Variants in HCN1 observed in about 807,000 individuals in gnomAD.
HCN1 encodes potassium/sodium hyperpolarization-activated cyclic nucleotide-gated channel 1.
A neutral mutation model predicts 78.9 loss-of-function variants in HCN1; 13 were observed. That is an observed-to-expected ratio of 0.16 (90% CI 0.11 to 0.26). The LOEUF (loss-of-function observed/expected upper bound fraction) is 0.26, where lower values mean the gene tolerates loss of function less well. Among genes scored for constraint, HCN1 ranks in the 10% least tolerant of loss-of-function variants. The pLI, the probability that HCN1 is intolerant of heterozygous loss-of-function variation, is 1.00. For synonymous variants in HCN1, 552 were observed against 455.5 expected, an observed-to-expected ratio of 1.21 and a Z score of -2.70; for missense variants, 810 against 1,154.3, an observed-to-expected ratio of 0.70 and a Z score of 4.32.
chr5:45,355,312 A>G (rs1746987437), intron 4 of HCN1, among the ~76,000 whole-genome samples: 1 of 151,994 alleles, frequency 6.6e-6, no homozygotes, highest in Non-Finnish European at 1.5e-5. Context: ...TGATTATTGT[A>G]TGCCAGTAGT....
intron 2 of HCN1, among the ~76,000 whole-genome samples, chr5:45,614,971 G>C (rs1258999581): frequency 1.6e-5 from 2 of 122,636 alleles, no homozygotes; most frequent in African/African-American, 6.0e-5. Flanking sequence ...AAACCACAGA[G>C]AAAAAAAAAA....
At chr5:45,625,501 T>C (rs1360195700) in intron 2 of HCN1, among the ~76,000 whole-genome samples, 1 of 151,954 alleles carries the variant, frequency 6.6e-6, no homozygotes, top group African/African-American at 2.4e-5. Flanking sequence ...TCACATATTA[T>C]AGATGCTATT....
chr5:45,424,958 G>A (rs1740315144), intron 3 of HCN1, among the ~76,000 whole-genome samples: 1 of 151,962 alleles, frequency 6.6e-6, no homozygotes, highest in Non-Finnish European at 1.5e-5. Context: ...TCAATCAAGG[G>A]GTCATTTCTT....
chr5:45,540,568 G>A (rs768790088), intron 2 of HCN1, among the ~76,000 whole-genome samples: 1 of 152,058 alleles, frequency 6.6e-6, no homozygotes, highest in African/African-American at 2.4e-5. Context: ...GTACTCAAGG[G>A]ATCTACCTGC....
intron 5 of HCN1, among the ~76,000 whole-genome samples, chr5:45,343,251 G>A (rs1370595021): frequency 6.6e-6 from 1 of 152,180 alleles, no homozygotes; most frequent in Non-Finnish European, 1.5e-5. Flanking sequence ...AGCTTAGGGA[G>A]TCTATACTTG....
intron 5 of HCN1, among the ~76,000 whole-genome samples, chr5:45,347,681 G>T (rs1746777948): frequency 6.6e-6 from 1 of 152,184 alleles, no homozygotes; most frequent in Admixed American, 6.5e-5. Context: ...GGAGCTGATG[G>T]AGCTGAAAGC....
intron 2 of HCN1, among the ~76,000 whole-genome samples, chr5:45,610,369 T>A (rs937514505): frequency 6.6e-6 from 1 of 151,914 alleles, no homozygotes; most frequent in Non-Finnish European, 1.5e-5. Context: ...GAATAGAGTC[T>A]AAAATCGAAA....
At chr5:45,670,271 G>A (rs530954793) in intron 1 of HCN1, among the ~76,000 whole-genome samples, 33 of 151,640 alleles carry the variant, frequency 2.2e-4, no homozygotes, top group Non-Finnish European at 4.0e-4. Flanking sequence ...TCCAAATAAC[G>A]CTTTACTGGA....
intron 3 of HCN1, among the ~76,000 whole-genome samples, chr5:45,421,539 T>G (rs1740228950): frequency 6.6e-6 from 1 of 152,020 alleles, no homozygotes; most frequent in Non-Finnish European, 1.5e-5. Context: ...TTATTAACCT[T>G]TACATAAAGT....
At position 45,595,892 on chromosome 5, in the gene HCN1, T is replaced by C. The variant is rs374180772; in HGVS notation, c.849+49293A>G. Among the ~76,000 whole-genome samples, 275 of 151,808 alleles carry C rather than the reference T, an allele frequency of 1.8e-3. 2 individuals carry two copies. The highest frequency in any genetic ancestry group is 6.3e-3 in the African/African-American group (260 of 41,368). On this transcript the variant is annotated intron_variant, in intron 2 of 7. Transcript: ENST00000303230. ...GAGTGTTAACTGTACTTTGGACCTA[T>C]GATTTTTTTTTTTATTTGACGGAGT...
intron 5 of HCN1, among the ~76,000 whole-genome samples, chr5:45,329,294 G>T (rs1355552352): frequency 6.6e-6 from 1 of 151,340 alleles, no homozygotes; most frequent in African/African-American, 2.4e-5. Context: ...GGTAACCTCT[G>T]TTCTACTTTC....
chr5:45,664,377 C>A, intron 1 of HCN1, among the ~76,000 whole-genome samples: 1 of 141,792 alleles, frequency 7.1e-6, no homozygotes. Context: ...TTAGTGGGTG[C>A]AGCGCACCAG....
At chr5:45,574,565 C>T (rs915725706) in intron 2 of HCN1, 5 of 152,086 alleles carry the variant, frequency 3.3e-5, no homozygotes, top group Non-Finnish European at 7.4e-5. Flanking sequence ...AATGACTCCA[C>T]AATGGCCTCT....
rs183128763 is a variant in HCN1 at position 45,288,007 on chromosome 5, A to T, written c.1618+15592T>A. ...AGCAAACCCTAGTGAGGTAGGAATTAACATTATTCCAGTTTTACAGGTTTG... is the reference window on the plus strand; with the variant it reads ...AGCAAACCCTAGTGAGGTAGGAATTTACATTATTCCAGTTTTACAGGTTTG... On this transcript the variant is annotated intron_variant, in intron 6 of 7. Transcript: ENST00000303230. Among the ~76,000 whole-genome samples, 255 of 152,208 alleles carry T rather than the reference A, an allele frequency of 1.7e-3. 2 individuals carry two copies. The highest frequency in any genetic ancestry group is 5.9e-3 in the African/African-American group (245 of 41,554).
chr5:45,431,942 T>C (rs2112077892), intron 3 of HCN1, among the ~76,000 whole-genome samples: 1 of 152,338 alleles, frequency 6.6e-6, no homozygotes, highest in East Asian at 1.9e-4. Flanking sequence ...CATATGAATT[T>C]TAAAATAGCT....
chr5:45,273,045 G>T (rs992023017), intron 6 of HCN1, among the ~76,000 whole-genome samples: 9 of 152,106 alleles, frequency 5.9e-5, no homozygotes, highest in African/African-American at 2.2e-4. Context: ...AAGAATCTTA[G>T]TGCAAATTTA....
intron 2 of HCN1, among the ~76,000 whole-genome samples, chr5:45,606,595 T>C (rs1055535015): frequency 6.6e-6 from 1 of 151,734 alleles, no homozygotes; most frequent in Non-Finnish European, 1.5e-5. Context: ...AAGTCACAAC[T>C]CCAGCACATA....
chr5:45,482,569 C>G (rs1457944478), intron 2 of HCN1, among the ~76,000 whole-genome samples: 1 of 152,156 alleles, frequency 6.6e-6, no homozygotes, highest in East Asian at 1.9e-4. Context: ...GAGCCTCTCC[C>G]AGCCCCGTGG....
At chr5:45,359,991 A>G (rs1457864532) in intron 4 of HCN1, among the ~76,000 whole-genome samples, 1 of 150,272 alleles carries the variant, frequency 6.7e-6, no homozygotes, top group Non-Finnish European at 1.5e-5. Flanking sequence ...TCAGTTTTTT[A>G]TATGTCAATT....
Sources: allele counts gnomAD v4.1 joint callset (sites outside exome capture counted in the v4.1 genomes callset), GRCh38; gene constraint gnomAD v4.1.1; transcripts MANE v1.5; gene names NCBI Gene and HGNC (gene_info 2026-07-23, HGNC 2026-07-21).